XYLT1: variants seen among roughly 807,000 people sequenced by gnomAD.
XYLT1 encodes the protein xylosyltransferase 1.
A neutral mutation model predicts 91.3 loss-of-function variants in XYLT1; 36 were observed. That is an observed-to-expected ratio of 0.39 (90% CI 0.30 to 0.52). The LOEUF is 0.52. XYLT1 is among the 20% of genes least tolerant of loss of function. The pLI is 0.68. For synonymous variants in XYLT1, 588 were observed against 532.0 expected (o/e 1.11, Z -1.45); for missense variants, 1,242 against 1,284.5 (o/e 0.97, Z 0.51).
chr16:17,109,274 T>C (rs942091422), intron 11 of XYLT1, among the ~76,000 whole-genome samples: 2 of 152,228 alleles, frequency 1.3e-5, no homozygotes, highest in South Asian at 4.1e-4. Flanking sequence ...GCATCTTTGA[T>C]AGTGCAGACA....
chr16:17,215,767 T>C lies in XYLT1; in HGVS notation c.914-15113A>G, dbSNP rs115489475. On this transcript the variant is annotated intron_variant, in intron 3 of 11. Transcript: ENST00000261381. ...TATGCAAAGGGCCTGTCACGAATGATAGTATGGTAAGGAGAAGACATACAG... is the reference window on the plus strand; with the variant it reads ...TATGCAAAGGGCCTGTCACGAATGACAGTATGGTAAGGAGAAGACATACAG... 1.5e-3 allele frequency among the ~76,000 whole-genome samples: 231 copies of C among 152,010 alleles called. 1 individual carries two copies. Among genetic ancestry groups the C allele is most frequent in the African/African-American group, 5.4e-3 (225 of 41,472 alleles).
chr16:17,138,330 C>CTGGCAGACCATGAGAAAGTCTCACCTGG (rs2030837006), intron 8 of XYLT1, 25 bp downstream of exon 8: 2 of 1,598,774 alleles, frequency 1.3e-6, no homozygotes, highest in Non-Finnish European at 1.7e-6. Flanking sequence ...ACTTAGGAGG[C>CTGGCAGACCATGAGAAAGTCTCACCTGG]TGGCAGACCA....
intron 1 of XYLT1, among the ~76,000 whole-genome samples, chr16:17,406,962 C>T (rs1040314964): frequency 2.6e-5 from 4 of 152,016 alleles, no homozygotes; most frequent in Admixed American, 2.0e-4. Context: ...GAAAGTCACC[C>T]TTTTAATTTG....
chr16:17,211,378 T>G (rs544445033), intron 3 of XYLT1, among the ~76,000 whole-genome samples: 1 of 152,280 alleles, frequency 6.6e-6, no homozygotes, highest in Admixed American at 6.5e-5. Context: ...GGCTCCCACT[T>G]GCTTTAGGGG....
At chr16:17,398,818 G>GCC (rs71230739) in intron 1 of XYLT1, among the ~76,000 whole-genome samples, 15,178 of 84,444 alleles carry the variant, frequency 0.18, 1,984 homozygotes, top group Admixed American at 0.29. Flanking sequence ...AAATGTCCCC[G>GCC]CCCCCCCCCA....
At chr16:17,291,647 A>G (rs2034229100) in intron 2 of XYLT1, among the ~76,000 whole-genome samples, 1 of 152,200 alleles carries the variant, frequency 6.6e-6, no homozygotes, top group Non-Finnish European at 1.5e-5. Context: ...TGAGGACCTC[A>G]CACTTAGAAT....
At chr16:17,219,640 TTTTC>T (rs1377317608) in intron 3 of XYLT1, among the ~76,000 whole-genome samples, 2 of 152,184 alleles carry the variant, frequency 1.3e-5, no homozygotes, top group African/African-American at 4.8e-5. Flanking sequence ...AATACTTTTC[TTTTC>T]TTTCTTTCTC....
At chr16:17,344,492 C>CAA (rs199791926) in intron 2 of XYLT1, among the ~76,000 whole-genome samples, 1,440 of 100,802 alleles carry the variant, frequency 0.014, 14 homozygotes, top group Middle Eastern at 0.049. Context: ...GACTCCATCT[C>CAA]AAAAAAAAAA....
At chr16:17,410,431 G>A (rs1030578904) in intron 1 of XYLT1, among the ~76,000 whole-genome samples, 4 of 152,154 alleles carry the variant, frequency 2.6e-5, no homozygotes, top group African/African-American at 9.7e-5. Flanking sequence ...CAGCAGACAA[G>A]GGAAGAGAGA....
At chr16:17,137,556 G>A (rs1344183876) in intron 8 of XYLT1, 1 of 151,934 alleles carries the variant, frequency 6.6e-6, no homozygotes, top group African/African-American at 2.4e-5. Flanking sequence ...ATGCTGGCTT[G>A]GAGGGAGCAG....
Position 17,134,710 on chromosome 16 carries a change from G to A in XYLT1, c.1790C>T (p.Ala597Val). The A allele has an allele frequency of 6.2e-7, 1 of 1,614,172 alleles. No homozygotes were observed. The highest frequency in any genetic ancestry group is 8.5e-7 in the Non-Finnish European group (1 of 1,180,030). ...ATTCACCACGGCTTCAAACTTGCGG[G>A]CAAAGAAGGTAGGCCGGGCTGTCTG... ...FQQTARPTFF[A>V]RKFEAVVNQE... The change falls in exon 9 of 12, where the codon GCC becomes GTC. Residue 597 changes from alanine (A) to valine (V), a missense_variant. Physicochemically the swap from Ala to Val is moderately conservative, Grantham distance 64. Coordinates refer to ENST00000261381, the MANE Select transcript of XYLT1 (RefSeq NM_022166.4).
chr16:17,117,219 A>G (rs1045369636), intron 11 of XYLT1, among the ~76,000 whole-genome samples: 1 of 152,254 alleles, frequency 6.6e-6, no homozygotes, highest in African/African-American at 2.4e-5. Context: ...CTTTAAAAAA[A>G]TGTAGCAAAT....
At chr16:17,112,276 T>C (rs1468692809) in intron 11 of XYLT1, among the ~76,000 whole-genome samples, 3 of 152,186 alleles carry the variant, frequency 2.0e-5, no homozygotes, top group Non-Finnish European at 4.4e-5. Context: ...TTACTCTTGA[T>C]GAATCATTTT....
chr16:17,131,594 A>T (rs1379155274), intron 9 of XYLT1, among the ~76,000 whole-genome samples: 1 of 152,156 alleles, frequency 6.6e-6, no homozygotes, highest in African/African-American at 2.4e-5. Context: ...TAAAATGCTG[A>T]CATCCTTATT....
intron 5 of XYLT1, 34 bp downstream of exon 5, chr16:17,198,178 G>T: frequency 6.2e-7 from 1 of 1,612,276 alleles, no homozygotes; most frequent in South Asian, 1.1e-5. Flanking sequence ...CAGGACGTCA[G>T]ACAAGACTGG....
At chr16:17,297,557 GAA>G (rs35985751) in intron 2 of XYLT1, among the ~76,000 whole-genome samples, 20 of 142,972 alleles carry the variant, frequency 1.4e-4, no homozygotes, top group African/African-American at 4.5e-4. Flanking sequence ...TAAAGAAAAT[GAA>G]AAAAAAAAAA....
At chr16:17,325,046 T>G (rs1363432757) in intron 2 of XYLT1, among the ~76,000 whole-genome samples, 1 of 152,146 alleles carries the variant, frequency 6.6e-6, no homozygotes. Flanking sequence ...TGTAACTGCA[T>G]GTAGCCTCAT....
chr16:17,108,556 CT>C lies in XYLT1; in HGVS notation c.*138del. 1.1e-6 allele frequency: 1 copy of C among 887,496 alleles called. No homozygotes were observed. The highest frequency in any genetic ancestry group is 2.8e-5 in the East Asian group (1 of 36,302). The allele number at this position is 887,496 out of a possible 1,614,324, so 55.0% of individuals were successfully genotyped here. On this transcript the variant is annotated 3_prime_UTR_variant, in exon 12 of 12. Transcript: ENST00000261381. ...TCCTGCTTTGACCTGCTGACCTTCCCTTTCCATCATTCTATGGCCAGGAGAG... is the reference window on the plus strand; with the variant it reads ...TCCTGCTTTGACCTGCTGACCTTCCCTTCCATCATTCTATGGCCAGGAGAG...
At chr16:17,298,832 A>G (rs907203672) in intron 2 of XYLT1, among the ~76,000 whole-genome samples, 11 of 152,002 alleles carry the variant, frequency 7.2e-5, no homozygotes, top group Non-Finnish European at 1.0e-4. Context: ...TTCACTCCTC[A>G]AGCAACTTGT....
Sources: gnomAD v4.1 joint callset for allele counts (sites outside exome capture counted in the v4.1 genomes callset) on GRCh38, gnomAD v4.1.1 for gene constraint, MANE v1.5 for transcripts, NCBI Gene and HGNC (gene_info 2026-07-23, HGNC 2026-07-21) for gene names.